The following JAK2 variants were observed in gnomAD, a reference collection of about 807,000 sequenced individuals.
JAK2 encodes the protein tyrosine-protein kinase JAK2.
Under a neutral mutation model 139.3 loss-of-function variants are expected in JAK2, and 86 were observed. That is an observed-to-expected ratio of 0.62 (90% confidence interval 0.52 to 0.74). The LOEUF (loss-of-function observed/expected upper bound fraction) is 0.74, where lower values mean the gene tolerates loss of function less well. Ranked by LOEUF, JAK2 falls within the 30% of genes least tolerant of loss-of-function variation. The pLI is 0.00. For missense variants in JAK2, 1,421 were observed against 1,360.3 expected (o/e 1.04, Z -0.70); for synonymous variants, 490 against 437.7 (o/e 1.12, Z -1.49).
chr9:5,053,802 A>G (rs1817580237), intron 6 of JAK2, among the ~76,000 whole-genome samples: 1 of 151,994 alleles, frequency 6.6e-6, no homozygotes, highest in African/African-American at 2.4e-5. Flanking sequence ...ATGCCACAGA[A>G]TGAGGTCCAG....
rs575539205 is a variant in JAK2 at position 4,993,695 on chromosome 9, C to T, written c.-26+7673C>T. Among the ~76,000 whole-genome samples the T allele has an allele frequency of 2.0e-3, 308 of 152,304 alleles. 1 individual carries two copies. Among genetic ancestry groups the T allele is most frequent in the Non-Finnish European group, 3.4e-3 (231 of 68,020 alleles). On this transcript the variant is annotated intron_variant, in intron 2 of 24. Coordinates refer to ENST00000381652, the MANE Select transcript of JAK2 (RefSeq NM_004972.4). ...CTCTTAGGCTCCCATGAAGTTTCCT[C>T]AAGACCCTTTACATGTGTGAACACA...
chr9:5,036,859 A>G (rs1409901899), intron 4 of JAK2, among the ~76,000 whole-genome samples: 1 of 152,232 alleles, frequency 6.6e-6, no homozygotes, highest in Non-Finnish European at 1.5e-5. Context: ...AGAATTGACA[A>G]ATGGGATCTC....
chr9:5,028,359 A>G (rs945002391), intron 3 of JAK2, among the ~76,000 whole-genome samples: 5 of 152,320 alleles, frequency 3.3e-5, no homozygotes, highest in East Asian at 1.9e-4. Flanking sequence ...AAACCACGCT[A>G]TATACAGATG....
Position 5,034,926 on chromosome 9 carries a change from C to A in JAK2, c.350+5020C>A, listed in dbSNP as rs147052521. ...GGACATAGAGAGACAAAAAACCCTT[C>A]AAAAAAATCAATGAATGCTGGAGCT... On this transcript the variant is annotated intron_variant, in intron 4 of 24. Coordinates refer to ENST00000381652, the MANE Select transcript of JAK2 (RefSeq NM_004972.4). Among the ~76,000 whole-genome samples, 984 of 152,032 alleles carry A rather than the reference C, an allele frequency of 6.5e-3. 8 individuals are homozygous for A. Among genetic ancestry groups the A allele is most frequent in the African/African-American group, 0.022 (904 of 41,452 alleles).
At chr9:5,011,094 T>C (rs1387573452) in intron 2 of JAK2, among the ~76,000 whole-genome samples, 11 of 152,250 alleles carry the variant, frequency 7.2e-5, no homozygotes, top group Non-Finnish European at 1.0e-4. Flanking sequence ...GACTTAAGTA[T>C]GGATTTGTAT....
rs2130491822 is a variant in JAK2, at chr9:5,064,917, C to G, written c.1091C>G (p.Ser364Cys). 1.9e-6 allele frequency: 3 copies of G among 1,595,606 alleles called. No homozygotes were observed. Among genetic ancestry groups the G allele is most frequent in the Admixed American group, 1.7e-5 (1 of 57,794 alleles). The change falls in exon 9 of 25, where the codon TCT becomes TGT. Residue 364 changes from serine to cysteine, a missense_variant. Transcript: ENST00000381652. ...CTTAGCTCATTAAGGGAAGCTTTGT[C>G]TTTCGTGTCATTAATTGATGGATAT... ...IELSSLREAL[S>C]FVSLIDGYYR...
chr9:5,028,004 C>T (rs1487999731), intron 3 of JAK2, among the ~76,000 whole-genome samples: 4 of 152,192 alleles, frequency 2.6e-5, no homozygotes, highest in Admixed American at 6.5e-5. Flanking sequence ...GACATTTTGA[C>T]CTCCTCTCAT....
chr9:5,085,283 C>T (rs894062481), intron 19 of JAK2: 5 of 706,036 alleles, frequency 7.1e-6, no homozygotes, highest in Middle Eastern at 5.0e-4. Context: ...GTTGGTTTGC[C>T]TATGTTAGAA....
At chr9:5,099,076 A>G (rs1821258371) in intron 22 of JAK2, 1 of 152,140 alleles carries the variant, frequency 6.6e-6, no homozygotes, top group African/African-American at 2.4e-5. Context: ...TAACCGAACA[A>G]TTCTCCCAAC....
rs1201149948 is a variant in JAK2, at chr9:5,029,849, C to G, written c.293C>G (p.Pro98Arg). 1 of 1,611,104 alleles carries G rather than the reference C, an allele frequency of 6.2e-7. No homozygotes were observed. Among genetic ancestry groups the G allele is most frequent in the Admixed American group, 1.7e-5 (1 of 59,920 alleles). ...GAAACAGAAAGGATCTGGTATCCAC[C>G]CAACCATGTCTTCCATATAGATGAG... is the stretch of plus-strand genomic sequence containing the variant. The part of the protein sequence containing the change: ...MSETERIWYP[P>R]NHVFHIDEST... Residue 98 changes from proline (P) to arginine (R), a missense_variant, in exon 4 of 25, where the codon CCC becomes CGC. Pro to Arg is a moderately radical substitution (Grantham distance 103, BLOSUM62 -2). Transcript: ENST00000381652.
intron 22 of JAK2, among the ~76,000 whole-genome samples, chr9:5,091,883 C>T (rs1248746849): frequency 1.3e-5 from 2 of 151,998 alleles, no homozygotes; most frequent in African/African-American, 2.4e-5. Flanking sequence ...TAGTAAGAGA[C>T]CTAGGGTGGT....
intron 2 of JAK2, among the ~76,000 whole-genome samples, chr9:5,019,468 T>C (rs561785641): frequency 1.3e-5 from 2 of 152,310 alleles, no homozygotes; most frequent in African/African-American, 2.4e-5. Context: ...TTTATCTGTA[T>C]GCGTTTGTAT....
chr9:5,045,813 A>G (rs141516167), intron 5 of JAK2, among the ~76,000 whole-genome samples: 1 of 152,148 alleles, frequency 6.6e-6, no homozygotes, highest in African/African-American at 2.4e-5. Flanking sequence ...TTGTTCATTC[A>G]TCTGTTGATG....
At chr9:4,992,963 C>G (rs1820344307) in intron 2 of JAK2, among the ~76,000 whole-genome samples, 3 of 152,174 alleles carry the variant, frequency 2.0e-5, no homozygotes, top group African/African-American at 7.2e-5. Context: ...ATCTCCCCCA[C>G]CCCTGCACCC....
At chr9:5,037,043 G>C (rs1816094475) in intron 4 of JAK2, among the ~76,000 whole-genome samples, 1 of 152,160 alleles carries the variant, frequency 6.6e-6, no homozygotes, top group Non-Finnish European at 1.5e-5. Context: ...CAAAAAGTGG[G>C]CGAAGGATAC....
chr9:5,095,371 A>C (rs1489000266), intron 22 of JAK2, among the ~76,000 whole-genome samples: 1 of 152,014 alleles, frequency 6.6e-6, no homozygotes, highest in East Asian at 1.9e-4. Context: ...TAAAAAAACA[A>C]ATCTCCACTC....
At chr9:5,110,826 T>G in intron 22 of JAK2, 1 of 441,156 alleles carries the variant, frequency 2.3e-6, no homozygotes. Flanking sequence ...GCATCGCCCG[T>G]TTGTTCGGGG....
chr9:5,002,688 A>C (rs1018241194), intron 2 of JAK2, among the ~76,000 whole-genome samples: 1 of 151,938 alleles, frequency 6.6e-6, no homozygotes, highest in South Asian at 2.1e-4. Context: ...TGATTAAAAA[A>C]ATTTTTTTTG....
At chr9:5,025,850 T>C (rs1822752169) in intron 3 of JAK2, among the ~76,000 whole-genome samples, 1 of 152,202 alleles carries the variant, frequency 6.6e-6, no homozygotes, top group African/African-American at 2.4e-5. Context: ...TATAGTTCTG[T>C]TGAAGTTTTA....
Sources: gnomAD v4.1 joint callset for allele counts (sites outside exome capture counted in the v4.1 genomes callset) on GRCh38, gnomAD v4.1.1 for gene constraint, MANE v1.5 for transcripts, NCBI Gene and HGNC (gene_info 2026-07-23, HGNC 2026-07-21) for gene names.